Variants in SNRNP40 observed in about 807,000 individuals in gnomAD.
The protein encoded by SNRNP40 is U5 small nuclear ribonucleoprotein 40 kDa protein.
In SNRNP40, 21 loss-of-function variants were observed where a neutral mutation model predicts 45.8. The ratio of observed to expected loss-of-function variants is 0.46; its 90% CI spans 0.32 to 0.66. SNRNP40 has a LOEUF of 0.66. Among genes scored for constraint, SNRNP40 ranks in the 30% least tolerant of loss-of-function variants. The pLI, the probability that SNRNP40 is intolerant of heterozygous loss-of-function variation, is 0.03. For synonymous variants in SNRNP40, 142 were observed against 163.8 expected (o/e 0.87, Z 1.01); for missense variants, 344 against 439.1 (o/e 0.78, Z 1.94).
rs1252383551 is a variant in SNRNP40, at chr1:31,260,021, C to T, written c.*51G>A. On this transcript the variant is annotated 3_prime_UTR_variant, in exon 10 of 10. Coordinates refer to ENST00000263694, the MANE Select transcript of SNRNP40 (RefSeq NM_004814.3). ...CATCCAACATTTGGCATCACTTATG[C>T]AGTCTGAGGTCTCAAAGACAAGCGG... 2.3e-6 allele frequency: 3 copies of T among 1,304,318 alleles called. No individual in the cohort carries two copies. The highest frequency in any genetic ancestry group is 1.1e-6 in the Non-Finnish European group (1 of 897,644). The allele number at this position is 1,304,318 out of a possible 1,614,324, so 80.8% of individuals were successfully genotyped here.
Position 31,293,268 on chromosome 1 carries a change from G to C in SNRNP40, c.222C>G (p.Phe74Leu). ...ATGCTAAGGTGGATCCGTTGGGGTG[G>C]AACTTGCAGCAGTAGACTTCCCCTT... The part of the protein sequence containing the change: ...GHEGEVYCCK[F>L]HPNGSTLASA... Residue 74 changes from phenylalanine to leucine, a missense_variant, in exon 2 of 10, where the codon TTC becomes TTG. This residue lies in a region of SNRNP40 where 254 missense variants were observed against 380.2 expected (regional missense o/e 0.67). Coordinates refer to ENST00000263694, the MANE Select transcript of SNRNP40 (RefSeq NM_004814.3). The C allele has an allele frequency of 1.2e-6, 2 of 1,614,126 alleles. No individual in the cohort carries two copies. The highest frequency in any genetic ancestry group is 1.7e-6 in the Non-Finnish European group (2 of 1,180,006).
Position 31,271,461 on chromosome 1 carries a change from C to T in SNRNP40, c.693G>A (p.Met231Ile), listed in dbSNP as rs1417346929. 1 of 1,613,866 alleles carries T rather than the reference C, an allele frequency of 6.2e-7. No individual in the cohort carries two copies. Among genetic ancestry groups the T allele is most frequent in the Non-Finnish European group, 8.5e-7 (1 of 1,179,908 alleles). ...CAGTCACTGAATCTGCATGGCCTCT[C>T]ATGGTGTAGGTTAGCTTGTTCTGGC... is the stretch of plus-strand genomic sequence containing the variant. ...DLRQNKLTYT[M>I]RGHADSVTGL... is the part of the protein sequence containing the mutation. The change falls in exon 6 of 10, where the codon ATG (methionine) becomes ATA (isoleucine). Residue 231 changes from methionine (M) to isoleucine (I), a missense_variant. Transcript: ENST00000263694.
At chr1:31,269,899 A>G (rs1170491374) in intron 6 of SNRNP40, among the ~76,000 whole-genome samples, 1 of 152,134 alleles carries the variant, frequency 6.6e-6, no homozygotes, top group Non-Finnish European at 1.5e-5. Context: ...TTTTAAAATA[A>G]TATTATTGAC....
At chr1:31,293,462 A>T in intron 1 of SNRNP40, 114 bp from the exon 2 acceptor site, 5 of 1,067,556 alleles carry the variant, frequency 4.7e-6, no homozygotes, top group Non-Finnish European at 6.6e-6. Context: ...AGTGGGTTTC[A>T]TCTGACTTAC....
At chr1:31,289,014 A>G (rs1646083266) in intron 4 of SNRNP40, among the ~76,000 whole-genome samples, 1 of 152,272 alleles carries the variant, frequency 6.6e-6, no homozygotes, top group African/African-American at 2.4e-5. Context: ...TACAGGCGTA[A>G]GCCACAGCAC....
chr1:31,295,655 T>C (rs1365162337), intron 1 of SNRNP40, among the ~76,000 whole-genome samples: 1 of 152,110 alleles, frequency 6.6e-6, no homozygotes, highest in East Asian at 1.9e-4. Flanking sequence ...TTACTCTGGA[T>C]GAAGTACAAA....
chr1:31,284,003 T>C (rs1156655995), intron 4 of SNRNP40, among the ~76,000 whole-genome samples: 2 of 152,110 alleles, frequency 1.3e-5, no homozygotes, highest in African/African-American at 4.8e-5. Context: ...GCCAGGAGGA[T>C]GGCTTTAGCC....
At chr1:31,289,119 A>C (rs1646084030) in intron 4 of SNRNP40, 135 bp downstream of exon 4, 2 of 682,222 alleles carry the variant, frequency 2.9e-6, no homozygotes. Context: ...TAAATGGGGA[A>C]AAATTTCAAG....
intron 5 of SNRNP40, among the ~76,000 whole-genome samples, chr1:31,280,044 G>A (rs1646004235): frequency 7.0e-6 from 1 of 142,630 alleles, no homozygotes; most frequent in Non-Finnish European, 1.5e-5. Flanking sequence ...GACCCAGGAG[G>A]CAGAGGTTGC....
chr1:31,288,778 G>A (rs1282521882), intron 4 of SNRNP40, among the ~76,000 whole-genome samples: 3 of 150,942 alleles, frequency 2.0e-5, no homozygotes, highest in South Asian at 2.1e-4. Context: ...TCGCTCTGTC[G>A]CCCAGGCTGG....
intron 8 of SNRNP40, among the ~76,000 whole-genome samples, chr1:31,266,226 C>T (rs1368658587): frequency 1.1e-4 from 17 of 152,122 alleles, no homozygotes; most frequent in Non-Finnish European, 1.5e-5. Context: ...TGTGTGGCAG[C>T]GTTAGGGCCC....
In SNRNP40 at chr1:31,296,561, A is replaced by AG. The variant is rs1646161768; in HGVS notation, c.141+49dup. The AG allele has an allele frequency of 3.2e-6, 5 of 1,566,452 alleles. No individual in the cohort carries two copies. The Middle Eastern group carries it at 5.6e-4, about 175-fold the overall frequency. On this transcript the variant is annotated intron_variant, in intron 1 of 9. Coordinates refer to ENST00000263694, the MANE Select transcript of SNRNP40 (RefSeq NM_004814.3). ...AGGGATCACCAGATACAGCGCTCTG[A>AG]GGGGAGGAAGATGAGCTGAGGGCCA... is the stretch of plus-strand genomic sequence containing the variant.
At chr1:31,272,488 T>A (rs537481178) in intron 5 of SNRNP40, among the ~76,000 whole-genome samples, 1 of 151,684 alleles carries the variant, frequency 6.6e-6, no homozygotes, top group African/African-American at 2.4e-5. Context: ...GTAGAAAGAG[T>A]GGTGACTTAG....
intron 8 of SNRNP40, among the ~76,000 whole-genome samples, chr1:31,265,622 T>C (rs1479821735): frequency 6.6e-6 from 1 of 152,070 alleles, no homozygotes; most frequent in Non-Finnish European, 1.5e-5. Context: ...AGGCGGATCA[T>C]GAGGTCAGGA....
At chr1:31,263,472 C>T (rs934375002) in intron 8 of SNRNP40, 12 of 253,168 alleles carry the variant, frequency 4.7e-5, no homozygotes, top group African/African-American at 1.9e-4. Flanking sequence ...AGCCACCATG[C>T]GTGGCATATG....
At position 31,271,388 on chromosome 1, in the gene SNRNP40, C is replaced by T. The variant is rs758982348; in HGVS notation, c.766G>A (p.Asp256Asn). ...EGSYLLSNAM[D>N]NTVRVWDVRP... ...TCCTTTCCAAAGTTACCTGTATTGT[C>T]CATTGCATTGGACAAAAGATAAGAG... Residue 256 changes from aspartate (D) to asparagine (N), a missense_variant, in exon 6 of 10, where the codon GAC (aspartate) becomes AAC (asparagine). By Grantham distance (23) the Asp-to-Asn change is conservative (BLOSUM62 1). Transcript: ENST00000263694. 2.5e-6 allele frequency: 4 copies of T among 1,612,248 alleles called. No homozygotes were observed. The East Asian group carries it at 8.9e-5, about 36-fold the overall frequency.
chr1:31,291,753 A>G (rs1403281502), intron 3 of SNRNP40, among the ~76,000 whole-genome samples, 160 bp downstream of exon 3: 2 of 152,252 alleles, frequency 1.3e-5, no homozygotes, highest in Non-Finnish European at 2.9e-5. Flanking sequence ...TACACAGACT[A>G]TAAACACCTC....
chr1:31,295,727 T>C (rs1163524892), intron 1 of SNRNP40, among the ~76,000 whole-genome samples: 1 of 152,248 alleles, frequency 6.6e-6, no homozygotes, highest in Admixed American at 6.5e-5. Flanking sequence ...TTCCTTTGGT[T>C]ATTGGCTTGG....
intron 8 of SNRNP40, 93 bp downstream of exon 8, chr1:31,267,778 C>T (rs1437179234): frequency 3.4e-5 from 31 of 906,282 alleles, no homozygotes; most frequent in African/African-American, 1.1e-4. Flanking sequence ...GTGATCTGCC[C>T]GCCTCGGCCT....
Sources: gnomAD v4.1 joint callset for allele counts (sites outside exome capture counted in the v4.1 genomes callset) on GRCh38, gnomAD v4.1.1 for gene constraint, gnomAD v4.1.1 regional missense constraint, MANE v1.5 for transcripts, NCBI Gene and HGNC (gene_info 2026-07-23, HGNC 2026-07-21) for gene names.